The following EPHB1 variants were observed in gnomAD, a reference collection of about 807,000 sequenced individuals.
The protein encoded by EPHB1 is ephrin type-B receptor 1.
A neutral mutation model predicts 94.4 loss-of-function variants in EPHB1; 30 were observed. The ratio of observed to expected loss-of-function variants is 0.32; its 90% CI spans 0.24 to 0.43. The LOEUF (loss-of-function observed/expected upper bound fraction) is 0.43, where lower values mean the gene tolerates loss of function less well. Among genes scored for constraint, EPHB1 ranks in the 20% least tolerant of loss-of-function variants. The pLI, the probability that EPHB1 is intolerant of heterozygous loss-of-function variation, is 1.00. For synonymous variants in EPHB1, 522 were observed against 489.1 expected (o/e 1.07, Z -0.89); for missense variants, 1,055 against 1,308.3 (o/e 0.81, Z 2.99).
At position 135,027,867 on chromosome 3, in the gene EPHB1, C is replaced by G. The variant is rs200817373; in HGVS notation, c.805+75815C>G. Among the ~76,000 whole-genome samples the G allele has an allele frequency of 1.0e-3, 128 of 123,006 alleles. 1 individual carries two copies. The highest frequency in any genetic ancestry group is 5.7e-3 in the East Asian group (10 of 1,754). 80.7% of individuals were successfully genotyped at this position (123,006 alleles called of 152,430 possible). ...TCCATCTGGTCCTGGACTCTTTTTG[C>G]TTGGTAAGGTATTGATTATTGCCAC... On this transcript the variant is annotated intron_variant, in intron 3 of 15. Transcript: ENST00000398015.
intron 1 of EPHB1, among the ~76,000 whole-genome samples, chr3:134,888,706 C>CAAAAAAAAA (rs55786916): frequency 9.1e-6 from 1 of 109,706 alleles, no homozygotes. Flanking sequence ...GACTCCATCT[C>CAAAAAAAAA]AAAAAAAAAA....
chr3:135,127,695 C>T (rs1294221910), intron 4 of EPHB1, among the ~76,000 whole-genome samples: 1 of 152,134 alleles, frequency 6.6e-6, no homozygotes, highest in African/African-American at 2.4e-5. Flanking sequence ...CAAATAAACT[C>T]ACCCGCTCTC....
intron 3 of EPHB1, among the ~76,000 whole-genome samples, chr3:134,986,312 G>T (rs761498262): frequency 4.6e-5 from 7 of 152,170 alleles, no homozygotes; most frequent in Non-Finnish European, 1.0e-4. Flanking sequence ...CCAAGTAGGG[G>T]TGCTTTGTCT....
In EPHB1 at chr3:135,249,381, C is replaced by T; in HGVS notation, c.2736C>T (p.Ala912=). ...LLDRSIPDFT[A]FTTVDDWLSA... The stretch of plus-strand genomic sequence containing the variant: ...ACCGCTCCATCCCAGACTTCACGGC[C>T]TTTACCACCGTGGATGACTGGCTCA... Residue 912 remains alanine, a synonymous_variant, in exon 15 of 16, where the codon GCC becomes GCT. Transcript: ENST00000398015. The T allele has an allele frequency of 6.2e-7, 1 of 1,613,972 alleles. No individual in the cohort carries two copies. The highest frequency in any genetic ancestry group is 8.5e-7 in the Non-Finnish European group (1 of 1,179,878).
At chr3:135,090,399 A>G (rs527601061) in intron 3 of EPHB1, among the ~76,000 whole-genome samples, 2 of 152,362 alleles carry the variant, frequency 1.3e-5, no homozygotes, top group East Asian at 3.9e-4. Context: ...GATAAATCTC[A>G]TGCATATATT....
chr3:134,922,352 G>T (rs542568903), intron 1 of EPHB1, among the ~76,000 whole-genome samples: 14 of 152,302 alleles, frequency 9.2e-5, no homozygotes, highest in African/African-American at 2.9e-4. Context: ...AAAAGAAACT[G>T]CCCTTCATCA....
In EPHB1 at chr3:134,951,488, G is replaced by A. The variant is rs2107715439; in HGVS notation, c.241G>A (p.Gly81Arg). 6.2e-7 allele frequency: 1 copy of A among 1,612,874 alleles called. No homozygotes were observed. The highest frequency in any genetic ancestry group is 8.5e-7 in the Non-Finnish European group (1 of 1,179,464). Residue 81 changes from glycine (G) to arginine (R), a missense_variant, in exon 3 of 16, where the codon GGG becomes AGG. Physicochemically the swap from Gly to Arg is moderately radical, Grantham distance 125 (BLOSUM62 -2). Coordinates refer to ENST00000398015, the MANE Select transcript of EPHB1 (RefSeq NM_004441.5). This position sits in a 1 kb window ranked among gnomAD's most constrained non-coding sequence, Gnocchi z 4.5. ...WLLTTFINRRGAHRIYTEMRF... is the reference protein window; with the variant it reads ...WLLTTFINRRRAHRIYTEMRF... ...GCTCACCACCTTCATCAACCGGCGG[G>A]GGGCCCATCGCATCTACACAGAGAT...
chr3:135,026,743 C>A (rs1310005214), intron 3 of EPHB1, among the ~76,000 whole-genome samples: 2 of 133,648 alleles, frequency 1.5e-5, no homozygotes, highest in Admixed American at 1.6e-4. Flanking sequence ...TTTTCCAATT[C>A]TGTGAAGAAA....
At chr3:135,047,334 CAAG>C (rs1937025822) in intron 3 of EPHB1, among the ~76,000 whole-genome samples, 1 of 152,182 alleles carries the variant, frequency 6.6e-6, no homozygotes, top group Admixed American at 6.5e-5. Flanking sequence ...GCAACTTTCA[CAAG>C]GAGAATGAAT....
In EPHB1 at chr3:135,166,949, G is replaced by T; in HGVS notation, c.1702G>T (p.Ala568Ser). ...CCCTCTTTTTATCCACAGGAAACGG[G>T]CTTATAGCAAAGAGGCTGTGTACAG... ...AISIVCSRKR[A>S]YSKEAVYSDK... Residue 568 changes from alanine to serine, a missense_variant, in exon 9 of 16, where the codon GCT (alanine) becomes TCT (serine). Physicochemically the swap from Ala to Ser is moderately conservative, Grantham distance 99. Coordinates refer to ENST00000398015, the MANE Select transcript of EPHB1 (RefSeq NM_004441.5). 1 of 1,614,112 alleles carries T rather than the reference G, an allele frequency of 6.2e-7. No individual in the cohort carries two copies. The highest frequency in any genetic ancestry group is 8.5e-7 in the Non-Finnish European group (1 of 1,179,980).
chr3:135,188,828 T>C (rs1388852477), intron 10 of EPHB1, among the ~76,000 whole-genome samples: 1 of 152,226 alleles, frequency 6.6e-6, no homozygotes, highest in Non-Finnish European at 1.5e-5. Flanking sequence ...TGGCATTCTT[T>C]GCAGTTGGTG....
chr3:135,116,237 A>T (rs989774742), intron 4 of EPHB1, among the ~76,000 whole-genome samples: 2 of 152,198 alleles, frequency 1.3e-5, no homozygotes, highest in Non-Finnish European at 2.9e-5. Flanking sequence ...AAACAAAAAA[A>T]CATTAAAAGT....
At chr3:135,172,637 C>T (rs1346917350) in intron 9 of EPHB1, among the ~76,000 whole-genome samples, 1 of 152,234 alleles carries the variant, frequency 6.6e-6, no homozygotes, top group East Asian at 1.9e-4. Flanking sequence ...AAGTGCAGGT[C>T]AGGTGTGTCC....
At chr3:135,137,376 T>C (rs1197748415) in intron 5 of EPHB1, among the ~76,000 whole-genome samples, 1 of 152,150 alleles carries the variant, frequency 6.6e-6, no homozygotes, top group Non-Finnish European at 1.5e-5. Context: ...GATTAGAAAA[T>C]TTTAAAGCAC....
chr3:135,257,529 G>T (rs916150849), intron 15 of EPHB1, among the ~76,000 whole-genome samples: 2 of 152,074 alleles, frequency 1.3e-5, no homozygotes, highest in African/African-American at 4.8e-5. Context: ...TAGGTTGCTG[G>T]GGGGGTCAGG....
rs1197013147 is a variant in EPHB1 at position 134,955,071 on chromosome 3, CTTTTTTTTTTTTT to C, written c.805+3039_805+3051del. ...CTAAGGCCTGTTCCTGACATCCTTT[CTTTTTTTTTTTTT>C]TTTTTTTTTTTTTTTTTTTAATTTT... On this transcript the variant is annotated intron_variant, in intron 3 of 15. Coordinates refer to ENST00000398015, the MANE Select transcript of EPHB1 (RefSeq NM_004441.5). 2.4e-3 allele frequency among the ~76,000 whole-genome samples: 20 copies of C among 8,416 alleles called. 2 individuals carry two copies. The highest frequency in any genetic ancestry group is 0.019 in the South Asian group (2 of 104). The allele number at this position is 8,416 out of a possible 152,430, so 5.5% of individuals were successfully genotyped here. A position where few individuals can be genotyped will look rare whatever the true frequency, so the allele number is the denominator to read the frequency against.
intron 1 of EPHB1, among the ~76,000 whole-genome samples, chr3:134,803,987 C>T (rs2035982358): frequency 6.6e-6 from 1 of 151,118 alleles, no homozygotes; most frequent in Non-Finnish European, 1.5e-5. Context: ...AAACTTTTTC[C>T]TTCTCGGTTT....
chr3:135,189,575 T>C (rs1321718751), intron 10 of EPHB1, among the ~76,000 whole-genome samples: 1 of 152,240 alleles, frequency 6.6e-6, no homozygotes, highest in Non-Finnish European at 1.5e-5. Context: ...AACCAATCCT[T>C]TGGGCAGCTT....
At chr3:134,936,572 C>T (rs977703496) in intron 2 of EPHB1, among the ~76,000 whole-genome samples, 4 of 148,560 alleles carry the variant, frequency 2.7e-5, no homozygotes, top group Non-Finnish European at 5.9e-5. Flanking sequence ...GCTGAACGCG[C>T]CCCCCCCTCC....
Sources: gnomAD v4.1 joint callset for allele counts (sites outside exome capture counted in the v4.1 genomes callset) on GRCh38, gnomAD v4.1.1 for gene constraint, Gnocchi (gnomAD v3.1) non-coding constraint, MANE v1.5 for transcripts, NCBI Gene and HGNC (gene_info 2026-07-23, HGNC 2026-07-21) for gene names.